THADA: variants seen among roughly 807,000 people sequenced by gnomAD.
The protein encoded by THADA is tRNA (32-2'-O)-methyltransferase regulator THADA.
In THADA, 213 loss-of-function variants were observed where a neutral mutation model predicts 219.8. That is an observed-to-expected ratio of 0.97 (90% CI 0.87 to 1.09). THADA has a LOEUF of 1.09. THADA is among the 50% of genes least tolerant of loss of function. THADA has a pLI of 0.00. For missense variants in THADA, 2,956 were observed against 2,311.3 expected, an observed-to-expected ratio of 1.28 and a Z score of -5.72; for synonymous variants, 1,018 against 828.9, an observed-to-expected ratio of 1.23 and a Z score of -3.92.
chr2:43,484,622 T>C (rs753535096), intron 26 of THADA, among the ~76,000 whole-genome samples: 17 of 152,136 alleles, frequency 1.1e-4, no homozygotes, highest in Non-Finnish European at 2.5e-4. Flanking sequence ...ATCTAAAAAC[T>C]ACCCAAAATC....
chr2:43,237,679 GTGAGCCACCACGCCCGGCCT>G (rs1257042993), intron 36 of THADA, among the ~76,000 whole-genome samples: 8 of 151,986 alleles, frequency 5.3e-5, no homozygotes, highest in Non-Finnish European at 8.8e-5. Flanking sequence ...GATTACAGGC[GTGAGCCACCACGCCCGGCCT>G]TGAGCCACCA....
chr2:43,587,105 T>A, intron 4 of THADA, 103 bp from the exon 5 acceptor site: 4 of 1,224,482 alleles, frequency 3.3e-6, no homozygotes, highest in Non-Finnish European at 3.4e-6. Flanking sequence ...AACTAAATCT[T>A]CAAAATACAG....
At chr2:43,463,733 G>A (rs567436153) in intron 26 of THADA, among the ~76,000 whole-genome samples, 2 of 152,026 alleles carry the variant, frequency 1.3e-5, no homozygotes, top group Non-Finnish European at 2.9e-5. Flanking sequence ...ATCTTTTCAA[G>A]CCCTCAAAAA....
Position 43,556,431 on chromosome 2 carries a change from G to A in THADA, c.2588C>T (p.Ser863Leu). Residue 863 changes from serine (S) to leucine (L), a missense_variant, in exon 17 of 38, where the codon TCA (serine) becomes TTA (leucine). Coordinates refer to ENST00000405975, the MANE Select transcript of THADA (RefSeq NM_022065.5). ...CTGAGTTAAGTAGGCAGACAAGGATGACGGTAGAGCATCCTGCCAGATTAA... is the reference window on the plus strand; with the variant it reads ...CTGAGTTAAGTAGGCAGACAAGGATAACGGTAGAGCATCCTGCCAGATTAA... ...NFLIWQDALP[S>L]SLSAYLTQQV... 4 of 1,613,882 alleles carry A rather than the reference G, an allele frequency of 2.5e-6. No individual in the cohort carries two copies. Among genetic ancestry groups the A allele is most frequent in the Non-Finnish European group, 3.4e-6 (4 of 1,179,840 alleles).
At chr2:43,241,051 A>G (rs1424360543) in intron 36 of THADA, among the ~76,000 whole-genome samples, 1 of 152,052 alleles carries the variant, frequency 6.6e-6, no homozygotes, top group Non-Finnish European at 1.5e-5. Context: ...TCTGGGGGGA[A>G]TTCAGACTTC....
intron 14 of THADA, 116 bp downstream of exon 14, chr2:43,570,271 GA>G: frequency 2.8e-6 from 3 of 1,084,946 alleles, no homozygotes; most frequent in Non-Finnish European, 3.9e-6. Flanking sequence ...CAGCTTGAAG[GA>G]AAAAAACACA....
At chr2:43,247,218 G>A (rs1299961029) in intron 36 of THADA, among the ~76,000 whole-genome samples, 1 of 152,134 alleles carries the variant, frequency 6.6e-6, no homozygotes, top group Non-Finnish European at 1.5e-5. Context: ...TGTTAATAGT[G>A]AAGATAATCA....
chr2:43,501,590 A>G (rs1217802804), intron 24 of THADA, among the ~76,000 whole-genome samples: 1 of 152,174 alleles, frequency 6.6e-6, no homozygotes, highest in Non-Finnish European at 1.5e-5. Context: ...AGGGAAAACA[A>G]AAAAAGAGAG....
chr2:43,512,711 G>A (rs923705844), intron 22 of THADA, among the ~76,000 whole-genome samples: 2 of 152,092 alleles, frequency 1.3e-5, no homozygotes, highest in African/African-American at 2.4e-5. Flanking sequence ...CATGTTGGTC[G>A]GGCTGATCTC....
intron 1 of THADA, among the ~76,000 whole-genome samples, chr2:43,594,596 TA>T (rs1701943686): frequency 6.6e-6 from 1 of 151,624 alleles, no homozygotes. Context: ...AATAAATAAA[TA>T]AATAAATAAA....
chr2:43,554,998 A>C (rs1697172133), intron 17 of THADA, among the ~76,000 whole-genome samples: 1 of 152,168 alleles, frequency 6.6e-6, no homozygotes. Flanking sequence ...GTACTCAAAA[A>C]GCTTTGGATT....
chr2:43,569,850 C>A (rs1443640795), intron 14 of THADA, among the ~76,000 whole-genome samples: 1 of 152,146 alleles, frequency 6.6e-6, no homozygotes, highest in African/African-American at 2.4e-5. Context: ...TCAAGCTAAG[C>A]CCTGGCCCAG....
chr2:43,259,831 G>C (rs535451356), intron 36 of THADA, among the ~76,000 whole-genome samples: 1 of 152,266 alleles, frequency 6.6e-6, no homozygotes, highest in South Asian at 2.1e-4. Flanking sequence ...ATTCCTGTAG[G>C]ATAAATTTAC....
rs1553343017 is a variant in THADA at position 43,230,852 on chromosome 2, G to A, written c.*96C>T. On this transcript the variant is annotated 3_prime_UTR_variant, in exon 38 of 38. Transcript: ENST00000405975. ...TCACAGAAGTAGGGGAGGCATGAATGGGATAAAATTTTTGAATTTATGTTC... is the reference window on the plus strand; with the variant it reads ...TCACAGAAGTAGGGGAGGCATGAATAGGATAAAATTTTTGAATTTATGTTC... 1 of 1,378,728 alleles carries A rather than the reference G, an allele frequency of 7.3e-7. No individual in the cohort carries two copies. The highest frequency in any genetic ancestry group is 9.8e-7 in the Non-Finnish European group (1 of 1,025,002). 85.4% of individuals were successfully genotyped at this position (1,378,728 alleles called of 1,614,324 possible).
At chr2:43,440,189 A>G (rs573482058) in intron 26 of THADA, among the ~76,000 whole-genome samples, 10 of 152,170 alleles carry the variant, frequency 6.6e-5, no homozygotes, top group Admixed American at 3.3e-4. Flanking sequence ...TTCCTTACAA[A>G]TAATCACATT....
At chr2:43,487,853 A>C (rs1687100563) in intron 25 of THADA, among the ~76,000 whole-genome samples, 1 of 152,110 alleles carries the variant, frequency 6.6e-6, no homozygotes, top group Non-Finnish European at 1.5e-5. Flanking sequence ...GTGGGAAATA[A>C]ATTTGTGGTA....
rs944729139 is a variant in THADA at position 43,565,585 on chromosome 2, T to A, written c.2311+1113A>T. On this transcript the variant is annotated intron_variant, in intron 15 of 37. Transcript: ENST00000405975. Reference sequence around the variant, plus strand: ...TGAAGCAAGCCTCTTTTACATTAGCTAACTGTCCTCCTGTCAAAAAATTAC... The same window carrying A: ...TGAAGCAAGCCTCTTTTACATTAGCAAACTGTCCTCCTGTCAAAAAATTAC... 4 of 152,182 alleles carry A rather than the reference T, an allele frequency of 2.6e-5. No homozygotes were observed. The East Asian group carries it at 7.7e-4, about 29-fold the overall frequency. The allele number at this position is 152,182 out of a possible 1,614,324, so 9.4% of individuals were successfully genotyped here.
At chr2:43,410,859 A>G (rs7591218) in intron 28 of THADA, among the ~76,000 whole-genome samples, 99,054 of 152,032 alleles carry the variant, frequency 0.65, 32,975 homozygotes, top group Middle Eastern at 0.73. Flanking sequence ...TTTATTTTAC[A>G]TCAATTGTAC....
chr2:43,574,716 T>C lies in THADA; in HGVS notation c.1349A>G (p.His450Arg). ...AAGGCACGTGTACTTTCCTTTAATA[T>C]GCCATTCCAATCGTAAAAGACTCTC... ...LTESLLRLEW[H>R]IKGKYTCLGC... is the part of the protein sequence containing the mutation. The change falls in exon 11 of 38, where the codon CAT becomes CGT. Residue 450 changes from histidine (H) to arginine (R), a missense_variant. Coordinates refer to ENST00000405975, the MANE Select transcript of THADA (RefSeq NM_022065.5). 6.2e-7 allele frequency: 1 copy of C among 1,614,020 alleles called. No homozygotes were observed.
Sources: gnomAD v4.1 joint callset for allele counts (sites outside exome capture counted in the v4.1 genomes callset) on GRCh38, gnomAD v4.1.1 for gene constraint, MANE v1.5 for transcripts, NCBI Gene and HGNC (gene_info 2026-07-23, HGNC 2026-07-21) for gene names.